The following NOVA1 variants were observed in gnomAD, a reference collection of about 807,000 sequenced individuals.
NOVA1 encodes the protein RNA-binding protein Nova-1.
Under a neutral mutation model 38.0 loss-of-function variants are expected in NOVA1, and 7 were observed. That is an observed-to-expected ratio of 0.18 (90% confidence interval 0.10 to 0.35). The LOEUF is 0.35. NOVA1 is among the 10% of genes least tolerant of loss of function. The pLI, the probability that NOVA1 is intolerant of heterozygous loss-of-function variation, is 1.00. For missense variants in NOVA1, 460 were observed against 616.0 expected, an observed-to-expected ratio of 0.75 and a Z score of 2.68; for synonymous variants, 270 against 232.5, an observed-to-expected ratio of 1.16 and a Z score of -1.47.
Position 26,597,757 on chromosome 14 carries a change from G to T in NOVA1, c.-321C>A. On this transcript the variant is annotated 5_prime_UTR_variant, in exon 1 of 5. Coordinates refer to ENST00000539517, the MANE Select transcript of NOVA1 (RefSeq NM_002515.3). ...GGGAGAGAGTGGAGAAGGGAGAGGG[G>T]CGAGTGAATGAGCGGGAGGAGGGGA... 2.1e-6 allele frequency: 2 copies of T among 952,568 alleles called. No homozygotes were observed. The highest frequency in any genetic ancestry group is 2.5e-6 in the Non-Finnish European group (2 of 787,236). The allele number at this position is 952,568 out of a possible 1,614,324, so 59.0% of individuals were successfully genotyped here.
Position 26,448,311 on chromosome 14 carries a change from G to C in NOVA1, c.1172C>G (p.Ala391Gly). The stretch of plus-strand genomic sequence containing the variant: ...AAAATATCCATTGGTTGCAGCAGTA[G>C]CAGCAGCCAGGCTACCTAATGCAAA... ...GTFALGSLAAATAATNGYFGA... is the reference protein window; with the variant it reads ...GTFALGSLAAGTAATNGYFGA... The change falls in exon 5 of 5, where the codon GCT becomes GGT. Residue 391 changes from alanine (A) to glycine (G), a missense_variant. Transcript: ENST00000539517. The surrounding 1 kb of genome is among the most constrained non-coding windows in gnomAD (Gnocchi z 5.3). 1 of 1,614,078 alleles carries C rather than the reference G, an allele frequency of 6.2e-7. No homozygotes were observed. Among genetic ancestry groups the C allele is most frequent in the Non-Finnish European group, 8.5e-7 (1 of 1,180,010 alleles).
chr14:26,511,152 C>A (rs936370236), intron 2 of NOVA1, among the ~76,000 whole-genome samples: 1 of 152,054 alleles, frequency 6.6e-6, no homozygotes, highest in African/African-American at 2.4e-5. Context: ...TGGGAAAATT[C>A]TTTTTAAGGT....
intron 2 of NOVA1, among the ~76,000 whole-genome samples, chr14:26,514,170 A>G (rs974040199): frequency 6.6e-6 from 1 of 151,732 alleles, no homozygotes; most frequent in African/African-American, 2.4e-5. Flanking sequence ...TTATATCAAA[A>G]TCATATAGTT....
chr14:26,522,077 A>G (rs934322557), intron 2 of NOVA1, among the ~76,000 whole-genome samples: 1 of 152,112 alleles, frequency 6.6e-6, no homozygotes. Flanking sequence ...AGTTACTGCC[A>G]AATATTGATA....
intron 2 of NOVA1, among the ~76,000 whole-genome samples, chr14:26,595,030 C>A (rs554681517): frequency 6.6e-6 from 1 of 152,088 alleles, no homozygotes; most frequent in Non-Finnish European, 1.5e-5. Context: ...CTCCCTACCC[C>A]CCTCTTCTGA....
chr14:26,523,346 C>T (rs919539044), intron 2 of NOVA1, among the ~76,000 whole-genome samples: 31 of 152,336 alleles, frequency 2.0e-4, no homozygotes, highest in African/African-American at 6.7e-4. Context: ...TACTGCATAA[C>T]ACAATACTGT....
intron 1 of NOVA1, 99 bp from the exon 2 acceptor site, chr14:26,595,652 G>T (rs1029328127): frequency 3.2e-6 from 3 of 932,664 alleles, no homozygotes; most frequent in Non-Finnish European, 4.7e-6. Flanking sequence ...AAAGCACTGG[G>T]TATATAACTG....
At chr14:26,491,145 C>T (rs990448065) in intron 2 of NOVA1, among the ~76,000 whole-genome samples, 5 of 151,812 alleles carry the variant, frequency 3.3e-5, no homozygotes, top group African/African-American at 9.7e-5. Context: ...CCACCGTGCC[C>T]GGCCACATCT....
chr14:26,508,674 C>T (rs1166786353), intron 2 of NOVA1, among the ~76,000 whole-genome samples: 1 of 151,798 alleles, frequency 6.6e-6, no homozygotes, highest in Non-Finnish European at 1.5e-5. Context: ...ATGGAAAGAA[C>T]TGTCATAGAG....
intron 2 of NOVA1, among the ~76,000 whole-genome samples, chr14:26,585,368 T>C (rs1053827658): frequency 3.3e-5 from 5 of 151,416 alleles, no homozygotes; most frequent in Non-Finnish European, 5.9e-5. Context: ...TTTATTTTTC[T>C]TGGCACATTA....
At chr14:26,485,064 T>C (rs1269165965) in intron 2 of NOVA1, among the ~76,000 whole-genome samples, 1 of 152,026 alleles carries the variant, frequency 6.6e-6, no homozygotes, top group Non-Finnish European at 1.5e-5. Flanking sequence ...AAATAACTGT[T>C]ATGAAAAACA....
chr14:26,549,372 T>C (rs1891031109), intron 2 of NOVA1: 1 of 151,136 alleles, frequency 6.6e-6, no homozygotes, highest in African/African-American at 2.4e-5. Flanking sequence ...AACATGGCTC[T>C]GAAATCTTAT....
rs545959739 is a variant in NOVA1, at chr14:26,455,212, A to C, written c.520-6249T>G. Among the ~76,000 whole-genome samples, 11 of 152,220 alleles carry C rather than the reference A, an allele frequency of 7.2e-5. No homozygotes were observed. In the South Asian group the frequency reaches 2.3e-3, roughly 32 times the overall value. ...ATGCCACCTTGTCTCATGTATTTTTACCTTTCACCCATTGCTCACTCAGAT... is the reference window on the plus strand; with the variant it reads ...ATGCCACCTTGTCTCATGTATTTTTCCCTTTCACCCATTGCTCACTCAGAT... On this transcript the variant is annotated intron_variant, in intron 4 of 4. Coordinates refer to ENST00000539517, the MANE Select transcript of NOVA1 (RefSeq NM_002515.3).
At chr14:26,586,538 A>T (rs1893523265) in intron 2 of NOVA1, among the ~76,000 whole-genome samples, 2 of 151,452 alleles carry the variant, frequency 1.3e-5, no homozygotes, top group Admixed American at 6.6e-5. Flanking sequence ...ATATATTATT[A>T]AAATAATTCT....
intron 2 of NOVA1, among the ~76,000 whole-genome samples, chr14:26,513,435 T>C (rs1164274043): frequency 6.6e-6 from 1 of 151,860 alleles, no homozygotes. Flanking sequence ...ATTGGCAATA[T>C]GTTAAAAAAT....
intron 1 of NOVA1, chr14:26,596,607 G>C (rs1594603691): frequency 1.6e-6 from 2 of 1,289,016 alleles, no homozygotes; most frequent in Non-Finnish European, 2.0e-6. Flanking sequence ...TTGTTAAGAT[G>C]ATTCCAGTGC....
chr14:26,483,834 G>C (rs1465863940), intron 2 of NOVA1, among the ~76,000 whole-genome samples: 1 of 152,102 alleles, frequency 6.6e-6, no homozygotes, highest in African/African-American at 2.4e-5. Context: ...CTTAAAATAT[G>C]TTATGACTAA....
At chr14:26,487,976 A>G (rs1408966614) in intron 2 of NOVA1, among the ~76,000 whole-genome samples, 1 of 152,170 alleles carries the variant, frequency 6.6e-6, no homozygotes, top group Non-Finnish European at 1.5e-5. Flanking sequence ...ACCACTGTAC[A>G]GTTACGCACA....
At chr14:26,472,499 A>G (rs975934759) in intron 3 of NOVA1, 108 bp from the exon 4 acceptor site, 12 of 480,664 alleles carry the variant, frequency 2.5e-5, no homozygotes, top group African/African-American at 8.0e-5. Context: ...ACAAAATCCT[A>G]TGAACAAATT....
Sources: gnomAD v4.1 joint callset for allele counts (sites outside exome capture counted in the v4.1 genomes callset) on GRCh38, gnomAD v4.1.1 for gene constraint, Gnocchi (gnomAD v3.1) non-coding constraint, MANE v1.5 for transcripts, NCBI Gene and HGNC (gene_info 2026-07-23, HGNC 2026-07-21) for gene names.